CAMK1D: variants seen among roughly 807,000 people sequenced by gnomAD.
CAMK1D encodes calcium/calmodulin dependent protein kinase ID, also known as calcium/calmodulin-dependent protein kinase type 1D.
Under a neutral mutation model 47.7 loss-of-function variants are expected in CAMK1D, and 9 were observed. That is an observed-to-expected ratio of 0.19 (90% CI 0.11 to 0.33). The LOEUF (loss-of-function observed/expected upper bound fraction) is 0.33. CAMK1D is among the 10% of genes least tolerant of loss of function. The probability of loss-of-function intolerance (pLI) is 1.00; values close to 1 mark genes in which losing one functional copy is unlikely to be tolerated. For synonymous variants in CAMK1D, 184 were observed against 184.9 expected (o/e 0.99, Z 0.04); for missense variants, 291 against 488.7 (o/e 0.60, Z 3.81).
chr10:12,689,165 ACT>A (rs1832777439), intron 3 of CAMK1D, among the ~76,000 whole-genome samples: 2 of 151,976 alleles, frequency 1.3e-5, no homozygotes, highest in South Asian at 2.1e-4. Context: ...TGTTGGGGTG[ACT>A]CTCTGTTGTC....
At chr10:12,721,185 G>A (rs563200130) in intron 3 of CAMK1D, among the ~76,000 whole-genome samples, 8 of 152,362 alleles carry the variant, frequency 5.3e-5, no homozygotes, top group South Asian at 2.1e-4. Flanking sequence ...TAGCGTGGCC[G>A]TTAGTCTTAT....
chr10:12,419,840 G>A (rs1168258705), intron 1 of CAMK1D, among the ~76,000 whole-genome samples: 2 of 152,156 alleles, frequency 1.3e-5, no homozygotes, highest in Admixed American at 6.5e-5. Flanking sequence ...ACTCTGGGTG[G>A]ATCCTGTTGT....
intron 1 of CAMK1D, among the ~76,000 whole-genome samples, chr10:12,371,093 A>C (rs377635488): frequency 3.0e-4 from 45 of 152,256 alleles, no homozygotes; most frequent in African/African-American, 1.1e-3. Context: ...ATGGAAGAAA[A>C]ATTAAAACAA....
chr10:12,438,780 A>T (rs78626292), intron 1 of CAMK1D, among the ~76,000 whole-genome samples: 1 of 152,162 alleles, frequency 6.6e-6, no homozygotes, highest in African/African-American at 2.4e-5. Context: ...CTTAGAGGAA[A>T]CCTTTGCTTT....
intron 1 of CAMK1D, among the ~76,000 whole-genome samples, chr10:12,423,681 A>G (rs1352910525): frequency 6.6e-6 from 1 of 152,164 alleles, no homozygotes; most frequent in Admixed American, 6.5e-5. Context: ...TCCTTTTCCC[A>G]ATCAGATTCA....
chr10:12,529,314 T>G (rs992755914), intron 1 of CAMK1D, among the ~76,000 whole-genome samples: 4 of 152,194 alleles, frequency 2.6e-5, no homozygotes, highest in African/African-American at 9.7e-5. Context: ...CCAACCAGGT[T>G]GGCACACTGG....
intron 3 of CAMK1D, among the ~76,000 whole-genome samples, chr10:12,757,841 GGGGCCCTGCTCTTTTTTT>G (rs1192589832): frequency 6.7e-6 from 1 of 150,002 alleles, no homozygotes; most frequent in East Asian, 2.0e-4. Flanking sequence ...TCCCAGCATG[GGGGCCCTGCTCTTTTTTT>G]TTTTTTTTTT....
chr10:12,379,535 C>A (rs1055592003), intron 1 of CAMK1D, among the ~76,000 whole-genome samples: 1 of 151,998 alleles, frequency 6.6e-6, no homozygotes, highest in Admixed American at 6.5e-5. Context: ...AGTGGATCAA[C>A]TGAGGTCAGG....
At chr10:12,668,302 G>A (rs985036538) in intron 3 of CAMK1D, among the ~76,000 whole-genome samples, 4 of 152,310 alleles carry the variant, frequency 2.6e-5, no homozygotes, top group Non-Finnish European at 4.4e-5. Flanking sequence ...CAAATGCCCC[G>A]CAAAATGTTA....
At chr10:12,352,440 T>C (rs2801502) in intron 1 of CAMK1D, among the ~76,000 whole-genome samples, 145,947 of 151,832 alleles carry the variant, frequency 0.96, 70,373 homozygotes, top group Non-Finnish European at 1. Flanking sequence ...GAAACCCTGT[T>C]GCTACTAACA....
At chr10:12,766,357 G>GTT (rs1836762092) in intron 4 of CAMK1D, among the ~76,000 whole-genome samples, 1 of 84,798 alleles carries the variant, frequency 1.2e-5, no homozygotes, top group Non-Finnish European at 2.1e-5. Context: ...CACGTTGCCT[G>GTT]TTTCTTTTTT....
At chr10:12,538,150 A>G (rs1316096709) in intron 1 of CAMK1D, among the ~76,000 whole-genome samples, 1 of 152,232 alleles carries the variant, frequency 6.6e-6, no homozygotes, top group Non-Finnish European at 1.5e-5. Flanking sequence ...CTGGGAACAT[A>G]CAGGGAAAAT....
intron 2 of CAMK1D, among the ~76,000 whole-genome samples, chr10:12,622,504 T>G (rs959163520): frequency 6.6e-6 from 1 of 152,084 alleles, no homozygotes; most frequent in African/African-American, 2.4e-5. Flanking sequence ...CCTGGCAGCA[T>G]CATGTTACAT....
At chr10:12,705,101 C>T (rs900016602) in intron 3 of CAMK1D, among the ~76,000 whole-genome samples, 1 of 152,150 alleles carries the variant, frequency 6.6e-6, no homozygotes, top group African/African-American at 2.4e-5. Flanking sequence ...CTTGACCCAT[C>T]ACTGGATACT....
intron 5 of CAMK1D, among the ~76,000 whole-genome samples, chr10:12,789,321 T>C (rs1056527214): frequency 1.2e-4 from 19 of 152,192 alleles, no homozygotes; most frequent in African/African-American, 4.6e-4. Context: ...AACCAAAAGA[T>C]TGGACACCCA....
chr10:12,438,518 T>G (rs1175185418), intron 1 of CAMK1D, among the ~76,000 whole-genome samples: 1 of 152,242 alleles, frequency 6.6e-6, no homozygotes, highest in Non-Finnish European at 1.5e-5. Flanking sequence ...TTGAAATTCC[T>G]GGACATATCT....
intron 2 of CAMK1D, among the ~76,000 whole-genome samples, chr10:12,566,144 G>T (rs1216577790): frequency 2.0e-5 from 3 of 152,112 alleles, no homozygotes; most frequent in Admixed American, 2.0e-4. Context: ...GGATCAAACA[G>T]TCAGTGCATG....
At chr10:12,552,212 C>T (rs1266670396) in intron 1 of CAMK1D, among the ~76,000 whole-genome samples, 1 of 152,222 alleles carries the variant, frequency 6.6e-6, no homozygotes, top group Non-Finnish European at 1.5e-5. Flanking sequence ...TCTCCAGCCC[C>T]AGATGTTCTG....
intron 1 of CAMK1D, among the ~76,000 whole-genome samples, chr10:12,356,591 G>C (rs1343968072): frequency 2.6e-5 from 4 of 152,036 alleles, no homozygotes; most frequent in Non-Finnish European, 2.9e-5. Flanking sequence ...GTGTGGTGCT[G>C]TGCACCTGTA....
Sources: allele counts gnomAD v4.1 joint callset (sites outside exome capture counted in the v4.1 genomes callset), GRCh38; gene constraint gnomAD v4.1.1; transcripts MANE v1.5; gene names NCBI Gene and HGNC (gene_info 2026-07-23, HGNC 2026-07-21).